AP5Z1: variants seen among roughly 807,000 people sequenced by gnomAD.
AP5Z1 encodes AP-5 complex subunit zeta-1.
In AP5Z1, 106 loss-of-function variants were observed where a neutral mutation model predicts 83.0. The ratio of observed to expected loss-of-function variants is 1.28; its 90% CI spans 1.09 to 1.50. AP5Z1 has a LOEUF of 1.50. Ranked by LOEUF, AP5Z1 falls within the 40% of genes most tolerant of loss-of-function variation. AP5Z1 has a pLI of 0.00. For missense variants in AP5Z1, 1,565 were observed against 1,094.2 expected, an observed-to-expected ratio of 1.43 and a Z score of -6.07; for synonymous variants, 751 against 514.1, an observed-to-expected ratio of 1.46 and a Z score of -6.23.
At chr7:4,784,445 C>G in intron 6 of AP5Z1, 74 bp downstream of exon 6, 1 of 1,476,332 alleles carries the variant, frequency 6.8e-7, no homozygotes, top group Non-Finnish European at 9.0e-7. Flanking sequence ...CAGGGGGACA[C>G]GGGCGGAGGT....
At chr7:4,779,491 T>C (rs1002960973) in intron 1 of AP5Z1, among the ~76,000 whole-genome samples, 1 of 148,326 alleles carries the variant, frequency 6.7e-6, no homozygotes, top group Non-Finnish European at 1.5e-5. Context: ...TATTTTTTTT[T>C]GAAGTAGAGT....
chr7:4,778,714 T>C (rs1383859033), intron 1 of AP5Z1, among the ~76,000 whole-genome samples: 4 of 148,852 alleles, frequency 2.7e-5, no homozygotes, highest in African/African-American at 4.9e-5. Context: ...TGTGTGTATA[T>C]ATGTATATGT....
rs79764270 is a variant in AP5Z1 at position 4,783,147 on chromosome 7, G to C, written c.367-169G>C. On this transcript the variant is annotated intron_variant, in intron 3 of 16. Coordinates refer to ENST00000649063, the MANE Select transcript of AP5Z1 (RefSeq NM_014855.3). Reference sequence around the variant, plus strand: ...AGGGAGAGAGGCTGGAGGCGGAGCAGGCACCTTGTGGCCCGGGGTGGGCCT... The same window carrying C: ...AGGGAGAGAGGCTGGAGGCGGAGCACGCACCTTGTGGCCCGGGGTGGGCCT... Among the ~76,000 whole-genome samples, 3,522 of 152,326 alleles carry C rather than the reference G, an allele frequency of 0.023. 140 individuals are homozygous for C. The highest frequency in any genetic ancestry group is 0.08 in the African/African-American group (3,326 of 41,566).
chr7:4,779,397 A>G (rs938632669), intron 1 of AP5Z1, among the ~76,000 whole-genome samples: 2 of 147,002 alleles, frequency 1.4e-5, no homozygotes, highest in South Asian at 2.1e-4. Flanking sequence ...TGATTATTAT[A>G]TATCATATAT....
In AP5Z1 at chr7:4,791,441, T is replaced by G; in HGVS notation, c.*56T>G. On this transcript the variant is annotated 3_prime_UTR_variant, in exon 17 of 17. Transcript: ENST00000649063. ...TTAAGAGCCTGGGCAGCCAGCTTGC[T>G]ACTGAGGCCAGGCTGATAGGAGCTC... 1 of 1,530,882 alleles carries G rather than the reference T, an allele frequency of 6.5e-7. No individual in the cohort carries two copies. The highest frequency in any genetic ancestry group is 1.4e-5 in the African/African-American group (1 of 73,322). The allele number at this position is 1,530,882 out of a possible 1,614,324, so 94.8% of individuals were successfully genotyped here.
chr7:4,785,025 G>A lies in AP5Z1; in HGVS notation c.908G>A (p.Arg303His), dbSNP rs201206140. 2.4e-5 allele frequency: 39 copies of A among 1,606,782 alleles called. No individual in the cohort carries two copies. The highest frequency in any genetic ancestry group is 6.7e-5 in the African/African-American group (5 of 74,950). ...GAGGTGGCCTTCGAGTACTGCCAGCGCCTCATTGAGCAAAGTAACCGACGT... is the reference window on the plus strand; with the variant it reads ...GAGGTGGCCTTCGAGTACTGCCAGCACCTCATTGAGCAAAGTAACCGACGT... Reference protein sequence around the residue: ...LREVAFEYCQRLIEQSNRRAL... With the variant: ...LREVAFEYCQHLIEQSNRRAL... Residue 303 changes from arginine to histidine, a missense_variant, in exon 7 of 17, where the codon CGC (arginine) becomes CAC (histidine). Coordinates refer to ENST00000649063, the MANE Select transcript of AP5Z1 (RefSeq NM_014855.3).
In AP5Z1 at chr7:4,784,209, C is replaced by T. The variant is rs773542837; in HGVS notation, c.628C>T (p.Pro210Ser). ...CTGCCTGTCCTTCCCACAGCCGGGCCCCGTCACCGAGGTGGACGGGGCGGT... is the reference window on the plus strand; with the variant it reads ...CTGCCTGTCCTTCCCACAGCCGGGCTCCGTCACCGAGGTGGACGGGGCGGT... The part of the protein sequence containing the change: ...FSTPRARQPG[P>S]VTEVDGAVAT... The change falls in exon 6 of 17, where the codon CCC becomes TCC. Residue 210 changes from proline to serine, a missense_variant. Physicochemically the swap from Pro to Ser is moderately conservative, Grantham distance 74. Coordinates refer to ENST00000649063, the MANE Select transcript of AP5Z1 (RefSeq NM_014855.3). 1.0e-4 allele frequency: 158 copies of T among 1,580,558 alleles called. No homozygotes were observed. Among genetic ancestry groups the T allele is most frequent in the Non-Finnish European group, 1.3e-4 (151 of 1,165,928 alleles).
At chr7:4,789,619 C>T (rs1562413258) in intron 13 of AP5Z1, among the ~76,000 whole-genome samples, 1 of 152,214 alleles carries the variant, frequency 6.6e-6, no homozygotes, top group African/African-American at 2.4e-5. Flanking sequence ...GAAGCGACAC[C>T]TCTGCCGGGG....
intron 1 of AP5Z1, among the ~76,000 whole-genome samples, 154 bp downstream of exon 1, chr7:4,775,910 C>A (rs144682050): frequency 0.018 from 2,736 of 152,192 alleles, 38 homozygotes; most frequent in Non-Finnish European, 0.028. Context: ...GGCAACACGG[C>A]GGCCAGGCTT....
chr7:4,787,485 C>CA lies in AP5Z1; in HGVS notation c.1312-142dup, dbSNP rs1004158591. 124 of 1,233,886 alleles carry CA rather than the reference C, an allele frequency of 1.0e-4. 1 individual carries two copies. Among genetic ancestry groups the CA allele is most frequent in the Middle Eastern group, 5.7e-4 (2 of 3,534 alleles). 76.4% of individuals were successfully genotyped at this position (1,233,886 alleles called of 1,614,324 possible). A position where few individuals can be genotyped will look rare whatever the true frequency, so the allele number is the denominator to read the frequency against. The stretch of plus-strand genomic sequence containing the variant: ...TGGGCGACAGAGCAAGACCCTGTCT[C>CA]AAAAAAATAAAAAGCGGGAGGAGGC... On this transcript the variant is annotated intron_variant, in intron 10 of 16. Coordinates refer to ENST00000649063, the MANE Select transcript of AP5Z1 (RefSeq NM_014855.3).
chr7:4,780,649 C>CCAT, intron 1 of AP5Z1, among the ~76,000 whole-genome samples: 1 of 152,202 alleles, frequency 6.6e-6, no homozygotes, highest in African/African-American at 2.4e-5. Context: ...GCCTGTAATC[C>CCAT]CATCTACTCG....
intron 1 of AP5Z1, among the ~76,000 whole-genome samples, chr7:4,779,483 T>TA (rs112740878): frequency 8.7e-5 from 11 of 127,022 alleles, no homozygotes; most frequent in African/African-American, 2.3e-4. Flanking sequence ...TATATATATA[T>TA]TTTTTTTTGA....
rs56177300 is a variant in AP5Z1, at chr7:4,775,629, G to C, written c.-87G>C. On this transcript the variant is annotated 5_prime_UTR_variant, in exon 1 of 17. Transcript: ENST00000649063. Reference sequence around the variant, plus strand: ...AAGGCCGCTGCGCTCACGTGACGCGGTCCCGGAAGTTGACCGGGGTGCGGA... The same window carrying C: ...AAGGCCGCTGCGCTCACGTGACGCGCTCCCGGAAGTTGACCGGGGTGCGGA... 1.3e-5 allele frequency: 21 copies of C among 1,569,974 alleles called. No individual in the cohort carries two copies. Among genetic ancestry groups the C allele is most frequent in the Admixed American group, 3.5e-5 (2 of 56,880 alleles).
chr7:4,776,571 A>AC, intron 1 of AP5Z1, among the ~76,000 whole-genome samples: 1 of 144,718 alleles, frequency 6.9e-6, no homozygotes, highest in Non-Finnish European at 1.6e-5. Flanking sequence ...ACAAAAAAAA[A>AC]AAAAAAAAAA....
intron 1 of AP5Z1, among the ~76,000 whole-genome samples, chr7:4,777,503 T>G (rs1481940419): frequency 6.6e-6 from 1 of 152,160 alleles, no homozygotes; most frequent in African/African-American, 2.4e-5. Flanking sequence ...TTCTCCTGCC[T>G]CAGCCTCCCA....
chr7:4,786,666 C>T (rs1295925605), intron 10 of AP5Z1, among the ~76,000 whole-genome samples: 7 of 152,184 alleles, frequency 4.6e-5, no homozygotes, highest in African/African-American at 1.4e-4. Context: ...GGCTGTGACA[C>T]AAGACGGTGA....
In AP5Z1 at chr7:4,783,402, A is replaced by G. The variant is rs548701928; in HGVS notation, c.453A>G (p.Arg151=). Residue 151 remains arginine (R), a synonymous_variant, in exon 4 of 17, where the codon AGA becomes AGG. Coordinates refer to ENST00000649063, the MANE Select transcript of AP5Z1 (RefSeq NM_014855.3). ...ESRQPEGPSL[R]HLLPVMAKVV... ...GGCAGCCTGAGGGACCCAGCCTCAG[A>G]CACCTCCTCCCCGTCATGGCCAAGG... is the stretch of plus-strand genomic sequence containing the variant. 1.9e-6 allele frequency: 3 copies of G among 1,613,070 alleles called. No homozygotes were observed. Among genetic ancestry groups the G allele is most frequent in the Non-Finnish European group, 2.5e-6 (3 of 1,179,748 alleles).
At chr7:4,789,019 AC>A (rs1781655347) in intron 13 of AP5Z1, 68 bp downstream of exon 13, 2 of 1,364,564 alleles carry the variant, frequency 1.5e-6, no homozygotes, top group Non-Finnish European at 2.0e-6. Flanking sequence ...CAGAGCCAGC[AC>A]TGGGGGGCCC....
chr7:4,781,717 G>A lies in AP5Z1; in HGVS notation c.329G>A (p.Arg110Gln), dbSNP rs201481802. 86 of 1,582,346 alleles carry A rather than the reference G, an allele frequency of 5.4e-5. 1 individual carries two copies. In the Middle Eastern group the frequency reaches 8.4e-4, roughly 15 times the overall value. ...GCCTGGGACCACACGCAGAACAGCC[G>A]GCAGCTGAGCCTGGTGGCCTCCGTT... ...SLAWDHTQNS[R>Q]QLSLVASVLL... The change falls in exon 3 of 17, where the codon CGG becomes CAG. Residue 110 changes from arginine to glutamine, a missense_variant. Arg to Gln is a conservative substitution (Grantham distance 43). Transcript: ENST00000649063.
Sources: allele counts gnomAD v4.1 joint callset (sites outside exome capture counted in the v4.1 genomes callset), GRCh38; gene constraint gnomAD v4.1.1; transcripts MANE v1.5; gene names NCBI Gene and HGNC (gene_info 2026-07-23, HGNC 2026-07-21).